GLCE: variants seen among roughly 807,000 people sequenced by gnomAD.
The protein encoded by GLCE is D-glucuronyl C5-epimerase.
In GLCE, 19 loss-of-function variants were observed where a neutral mutation model predicts 47.9. That is an observed-to-expected ratio of 0.40 (90% CI 0.28 to 0.58). The LOEUF (loss-of-function observed/expected upper bound fraction) is 0.58, where lower values mean the gene tolerates loss of function less well. GLCE is among the 20% of genes least tolerant of loss of function. The pLI is 0.48. For synonymous variants in GLCE, 245 were observed against 263.4 expected, an observed-to-expected ratio of 0.93 and a Z score of 0.68; for missense variants, 556 against 743.3, an observed-to-expected ratio of 0.75 and a Z score of 2.93.
At chr15:69,260,347 C>A (rs1251135659) in intron 3 of GLCE, among the ~76,000 whole-genome samples, 1 of 150,680 alleles carries the variant, frequency 6.6e-6, no homozygotes, top group Non-Finnish European at 1.5e-5. Flanking sequence ...GCAACCCCTG[C>A]CTCCTGGGTT....
chr15:69,223,357 G>A (rs2052403115), intron 2 of GLCE, among the ~76,000 whole-genome samples: 2 of 152,002 alleles, frequency 1.3e-5, no homozygotes, highest in African/African-American at 2.4e-5. Flanking sequence ...TTTTTTGTTT[G>A]TTTGTTTGTT....
At chr15:69,215,651 A>T (rs1434140440) in intron 2 of GLCE, among the ~76,000 whole-genome samples, 7 of 152,086 alleles carry the variant, frequency 4.6e-5, no homozygotes, top group Non-Finnish European at 1.0e-4. Flanking sequence ...GTGTATAGTT[A>T]ACTTTATAAG....
chr15:69,222,120 C>G (rs557728520), intron 2 of GLCE, among the ~76,000 whole-genome samples: 36 of 152,330 alleles, frequency 2.4e-4, no homozygotes, highest in Admixed American at 1.0e-3. Context: ...GCTGCATGCT[C>G]TAACTCTGGG....
At chr15:69,206,208 TTGTC>T (rs1318353101) in intron 1 of GLCE, among the ~76,000 whole-genome samples, 1 of 152,200 alleles carries the variant, frequency 6.6e-6, no homozygotes, top group East Asian at 1.9e-4. Flanking sequence ...CAATTTGTGT[TTGTC>T]TGATGCTTTT....
At chr15:69,265,478 T>A (rs1306446019) in intron 4 of GLCE, among the ~76,000 whole-genome samples, 2 of 152,180 alleles carry the variant, frequency 1.3e-5, no homozygotes, top group African/African-American at 4.8e-5. Flanking sequence ...TTGTGAAGAT[T>A]ATAATTGTTG....
At chr15:69,191,139 C>T (rs2051906187) in intron 1 of GLCE, among the ~76,000 whole-genome samples, 1 of 152,084 alleles carries the variant, frequency 6.6e-6, no homozygotes, top group South Asian at 2.1e-4. Context: ...CACATATTTA[C>T]TCCACTGTAC....
At chr15:69,230,581 C>T (rs1435830535) in intron 2 of GLCE, among the ~76,000 whole-genome samples, 2 of 152,172 alleles carry the variant, frequency 1.3e-5, no homozygotes, top group South Asian at 2.1e-4. Context: ...TTAATGTTTC[C>T]ATTCTAATTG....
chr15:69,166,636 G>A (rs563889587), intron 1 of GLCE, among the ~76,000 whole-genome samples: 26 of 152,052 alleles, frequency 1.7e-4, no homozygotes, highest in Non-Finnish European at 3.5e-4. Flanking sequence ...ACTATTACTC[G>A]AGGCCAGGCG....
chr15:69,164,708 C>G (rs967538297), intron 1 of GLCE, among the ~76,000 whole-genome samples: 3 of 151,890 alleles, frequency 2.0e-5, no homozygotes, highest in African/African-American at 7.3e-5. Flanking sequence ...CATATTATAC[C>G]TAATTTTAGA....
chr15:69,254,693 C>G (rs1007304783), intron 2 of GLCE, among the ~76,000 whole-genome samples: 1 of 152,106 alleles, frequency 6.6e-6, no homozygotes, highest in Admixed American at 6.6e-5. Flanking sequence ...AAGGGTGGAA[C>G]AGATTGAGGA....
intron 1 of GLCE, among the ~76,000 whole-genome samples, chr15:69,164,780 TGA>T (rs915316107): frequency 2.8e-4 from 43 of 152,108 alleles, no homozygotes; most frequent in African/African-American, 9.7e-4. Context: ...TTCATGAAGG[TGA>T]GTGATTTTCT....
intron 1 of GLCE, among the ~76,000 whole-genome samples, chr15:69,184,033 C>A (rs78354621): frequency 0.011 from 1,751 of 152,288 alleles, 27 homozygotes; most frequent in African/African-American, 0.038. Context: ...AGAATAGCGA[C>A]AACTCTAGTG....
At chr15:69,206,454 A>G (rs1441651262) in intron 1 of GLCE, among the ~76,000 whole-genome samples, 3 of 151,970 alleles carry the variant, frequency 2.0e-5, no homozygotes, top group African/African-American at 4.8e-5. Flanking sequence ...CATCTTATGG[A>G]TAGGGTATAT....
intron 1 of GLCE, chr15:69,196,701 C>T: frequency 6.3e-6 from 1 of 159,408 alleles, no homozygotes. Context: ...GAGAACTCAA[C>T]ATCAACCATC....
intron 1 of GLCE, among the ~76,000 whole-genome samples, chr15:69,173,862 T>C (rs543020540): frequency 3.2e-4 from 49 of 152,282 alleles, no homozygotes; most frequent in African/African-American, 1.2e-3. Flanking sequence ...TTTAACTAGA[T>C]TTTTTATTTT....
Position 69,201,212 on chromosome 15 carries a change from A to G in GLCE, c.-104-9104A>G, listed in dbSNP as rs527591483. On this transcript the variant is annotated intron_variant, in intron 1 of 4. Coordinates refer to ENST00000261858, the MANE Select transcript of GLCE (RefSeq NM_015554.3). ...GTTCCTTAACCTTAATTACAACTGC[A>G]AGTCCCTTTTGCCATGTAAGGTAAC... Among the ~76,000 whole-genome samples the G allele has an allele frequency of 1.3e-5, 2 of 152,208 alleles. 1 individual carries two copies. The highest frequency in any genetic ancestry group is 4.1e-4 in the South Asian group (2 of 4,826).
intron 2 of GLCE, among the ~76,000 whole-genome samples, chr15:69,221,705 A>C (rs572900375): frequency 6.6e-6 from 1 of 152,126 alleles, no homozygotes; most frequent in East Asian, 1.9e-4. Context: ...TCTACTAAAA[A>C]TACAAACATT....
chr15:69,225,629 T>C (rs1169065738), intron 2 of GLCE, among the ~76,000 whole-genome samples: 1 of 152,168 alleles, frequency 6.6e-6, no homozygotes, highest in East Asian at 1.9e-4. Flanking sequence ...TATGTGTAAA[T>C]TTGTAGATTT....
At chr15:69,198,940 A>G (rs1337378594) in intron 1 of GLCE, among the ~76,000 whole-genome samples, 1 of 152,148 alleles carries the variant, frequency 6.6e-6, no homozygotes, top group African/African-American at 2.4e-5. Flanking sequence ...GAAGGCAGGG[A>G]TCACTGCAGG....
Sources: allele counts gnomAD v4.1 joint callset (sites outside exome capture counted in the v4.1 genomes callset), GRCh38; gene constraint gnomAD v4.1.1; transcripts MANE v1.5; gene names NCBI Gene and HGNC (gene_info 2026-07-23, HGNC 2026-07-21).